Variants in YAP1 observed in about 807,000 individuals in gnomAD.
YAP1 encodes Yes1 associated transcriptional regulator, also known as transcriptional coactivator YAP1.
Under a neutral mutation model 56.9 loss-of-function variants are expected in YAP1, and 5 were observed. That is an observed-to-expected ratio of 0.09 (90% CI 0.05 to 0.18). The LOEUF (loss-of-function observed/expected upper bound fraction) is 0.18. YAP1 is among the 10% of genes least tolerant of loss of function. The pLI, the probability that YAP1 is intolerant of heterozygous loss-of-function variation, is 1.00. For synonymous variants in YAP1, 265 were observed against 248.1 expected, an observed-to-expected ratio of 1.07 and a Z score of -0.64; for missense variants, 539 against 651.8, an observed-to-expected ratio of 0.83 and a Z score of 1.88.
At position 102,162,449 on chromosome 11, in the gene YAP1, G is replaced by T; in HGVS notation, c.573-7G>T. 3 of 1,612,434 alleles carry T rather than the reference G, an allele frequency of 1.9e-6. No homozygotes were observed. Among genetic ancestry groups the T allele is most frequent in the Non-Finnish European group, 1.7e-6 (2 of 1,178,558 alleles). ...GTTTCCTAATGCAGTGGTTTGTTTT[G>T]TCTTAGTCACATCGATCAGACAACA... is the stretch of plus-strand genomic sequence containing the variant. On this transcript the variant is annotated splice_polypyrimidine_tract_variant and splice_region_variant and intron_variant, in intron 2 of 8. Transcript: ENST00000282441.
chr11:102,186,018 G>A lies in YAP1; in HGVS notation c.689G>A (p.Gly230Asp). Residue 230 changes from glycine to aspartate, a missense_variant and splice_region_variant, in exon 4 of 9, where the codon GGT becomes GAT. Gly to Asp is a moderately conservative substitution (Grantham distance 94, BLOSUM62 -1). Around this residue, in one of 4 missense-constraint regions of YAP1, gnomAD observed 414 missense variants for 512.4 expected, o/e 0.81. Transcript: ENST00000282441. The part of the protein sequence containing the change: ...VQQNMMNSAS[G>D]PLPDGWEQAM... ...TTTTTTTTTTTTTTCTGTATTATAG[G>A]TCCTCTTCCTGATGGATGGGAACAA... The A allele has an allele frequency of 1.3e-6, 2 of 1,582,950 alleles. No homozygotes were observed. The highest frequency in any genetic ancestry group is 1.7e-6 in the Non-Finnish European group (2 of 1,169,968).
chr11:102,211,003 C>T (rs142352520), intron 6 of YAP1, among the ~76,000 whole-genome samples: 2,095 of 152,268 alleles, frequency 0.014, 37 homozygotes, highest in African/African-American at 0.046. Context: ...GATCCGCCCA[C>T]CTCAGCCTCC....
chr11:102,114,332 T>A lies in YAP1; in HGVS notation c.510T>A (p.Asp170Glu), dbSNP rs1487699712. ...LRQSSFEIPD[D>E]VPLPAGWEMA... ...AGTCTTCTTTTGAGATACCTGATGATGTACCTCTGCCAGCAGGTTGGGAGA... is the reference window on the plus strand; with the variant it reads ...AGTCTTCTTTTGAGATACCTGATGAAGTACCTCTGCCAGCAGGTTGGGAGA... The change falls in exon 2 of 9, where the codon GAT (aspartate) becomes GAA (glutamate). Residue 170 changes from aspartate to glutamate, a missense_variant. This residue lies in a region of YAP1 where 414 missense variants were observed against 512.4 expected (regional missense o/e 0.81). Coordinates refer to ENST00000282441, the MANE Select transcript of YAP1 (RefSeq NM_001130145.3). 3 of 1,614,082 alleles carry A rather than the reference T, an allele frequency of 1.9e-6. No individual in the cohort carries two copies. Among genetic ancestry groups the A allele is most frequent in the Non-Finnish European group, 2.5e-6 (3 of 1,180,030 alleles).
chr11:102,166,074 C>T (rs763397068), intron 3 of YAP1, among the ~76,000 whole-genome samples: 1 of 152,132 alleles, frequency 6.6e-6, no homozygotes, highest in Non-Finnish European at 1.5e-5. Context: ...CTGATGGGTC[C>T]AAAACCAAAG....
At chr11:102,209,906 T>A (rs946835103) in intron 6 of YAP1, among the ~76,000 whole-genome samples, 4 of 152,198 alleles carry the variant, frequency 2.6e-5, no homozygotes, top group Non-Finnish European at 5.9e-5. Context: ...GTGTAATGAT[T>A]TAAAGGAATT....
intron 2 of YAP1, among the ~76,000 whole-genome samples, chr11:102,117,467 G>A (rs894767009): frequency 1.3e-5 from 2 of 152,182 alleles, no homozygotes; most frequent in Non-Finnish European, 2.9e-5. Flanking sequence ...CAGGCAAGAC[G>A]ATGTAATTTG....
chr11:102,138,682 A>G (rs1341088217), intron 2 of YAP1, among the ~76,000 whole-genome samples: 1 of 152,216 alleles, frequency 6.6e-6, no homozygotes, highest in Non-Finnish European at 1.5e-5. Context: ...AATTAAGTTG[A>G]GAAAAGTGTT....
At chr11:102,122,911 A>AAAAAAAAAAAAAAAAAG (rs1943764002) in intron 2 of YAP1, among the ~76,000 whole-genome samples, 1 of 150,910 alleles carries the variant, frequency 6.6e-6, no homozygotes, top group Non-Finnish European at 1.5e-5. Flanking sequence ...AAAAAAAAAA[A>AAAAAAAAAAAAAAAAAG]AAAAAGCAAA....
chr11:102,229,221 G>A (rs1423472823), intron 8 of YAP1, among the ~76,000 whole-genome samples: 2 of 152,178 alleles, frequency 1.3e-5, no homozygotes, highest in Admixed American at 1.3e-4. Flanking sequence ...TTGCTGTTAG[G>A]AAGGTGCATC....
intron 3 of YAP1, among the ~76,000 whole-genome samples, chr11:102,168,649 G>A (rs919907748): frequency 5.9e-5 from 9 of 152,152 alleles, no homozygotes; most frequent in African/African-American, 1.7e-4. Flanking sequence ...AAGGTGATAC[G>A]TGTTAGAGGA....
Position 102,227,448 on chromosome 11 carries a change from T to C in YAP1, c.1164-21T>C, listed in dbSNP as rs1157571733. ...TTTTTAAAATTTTTTGTGTTGGTCT[T>C]TAACTGTCATGTTTATGTAGTGGCA... On this transcript the variant is annotated intron_variant, in intron 7 of 8. Transcript: ENST00000282441. The C allele has an allele frequency of 5.7e-6, 9 of 1,578,820 alleles. No homozygotes were observed. The Admixed American group carries it at 1.4e-4, about 24-fold the overall frequency.
chr11:102,125,344 G>A (rs1420313961), intron 2 of YAP1, among the ~76,000 whole-genome samples: 2 of 148,404 alleles, frequency 1.3e-5, no homozygotes, highest in Non-Finnish European at 3.0e-5. Flanking sequence ...TTCCCAAAAA[G>A]CTATTTCTCA....
intron 8 of YAP1, among the ~76,000 whole-genome samples, chr11:102,228,634 C>CAAAACAAAAAAAAAAAAAAAAAAAA (rs1950314621): frequency 3.2e-5 from 1 of 31,626 alleles, no homozygotes; most frequent in African/African-American, 7.7e-5. Context: ...GACTCCGTCT[C>CAAAACAAAAAAAAAAAAAAAAAAAA]AAAAAAAAAA....
At chr11:102,140,859 A>G (rs372520715) in intron 2 of YAP1, among the ~76,000 whole-genome samples, 3 of 152,108 alleles carry the variant, frequency 2.0e-5, no homozygotes, top group East Asian at 1.9e-4. Flanking sequence ...AAAAAAAGAC[A>G]TCTTAATCCC....
intron 2 of YAP1, among the ~76,000 whole-genome samples, chr11:102,142,906 T>C (rs1387073523): frequency 6.6e-6 from 1 of 152,234 alleles, no homozygotes; most frequent in East Asian, 1.9e-4. Flanking sequence ...CTGCATTTGA[T>C]ATTACTGCTT....
At chr11:102,113,101 T>G (rs562696036) in intron 1 of YAP1, among the ~76,000 whole-genome samples, 6 of 152,304 alleles carry the variant, frequency 3.9e-5, no homozygotes, top group African/African-American at 1.2e-4. Context: ...CTCAAAAAGG[T>G]GTATCACTTT....
At chr11:102,122,897 A>C (rs1304496367) in intron 2 of YAP1, among the ~76,000 whole-genome samples, 42 of 26,918 alleles carry the variant, frequency 1.6e-3, no homozygotes, top group Non-Finnish European at 2.3e-4. Flanking sequence ...ACTTCTCTCA[A>C]AAAAAAAAAA....
rs372823245 is a variant in YAP1 at position 102,219,356 on chromosome 11, G to T, written c.1033-4266G>T. ...ATAATTACGATATTTTGTGATAAGT[G>T]CTGTGTTCAGGATGTTAAAGACATG... On this transcript the variant is annotated intron_variant, in intron 6 of 8. Coordinates refer to ENST00000282441, the MANE Select transcript of YAP1 (RefSeq NM_001130145.3). Among the ~76,000 whole-genome samples, 4 of 152,252 alleles carry T rather than the reference G, an allele frequency of 2.6e-5. No individual in the cohort carries two copies. The East Asian group carries it at 7.7e-4, about 29-fold the overall frequency.
chr11:102,136,955 G>A (rs1411854040), intron 2 of YAP1, among the ~76,000 whole-genome samples: 5 of 152,172 alleles, frequency 3.3e-5, no homozygotes, highest in Non-Finnish European at 7.3e-5. Flanking sequence ...GCTGTTCTTT[G>A]TTGTAGTCAG....
Sources: gnomAD v4.1 joint callset for allele counts (sites outside exome capture counted in the v4.1 genomes callset) on GRCh38, gnomAD v4.1.1 for gene constraint, gnomAD v4.1.1 regional missense constraint, MANE v1.5 for transcripts, NCBI Gene and HGNC (gene_info 2026-07-23, HGNC 2026-07-21) for gene names.